EXOC2: variants seen among roughly 807,000 people sequenced by gnomAD.
EXOC2 encodes the protein exocyst complex component 2.
In EXOC2, 70 loss-of-function variants were observed where a neutral mutation model predicts 131.8. That is an observed-to-expected ratio of 0.53 (90% CI 0.44 to 0.65). The LOEUF is 0.65. Among genes scored for constraint, EXOC2 ranks in the 30% least tolerant of loss-of-function variants. The pLI is 0.00. For synonymous variants in EXOC2, 411 were observed against 398.4 expected (o/e 1.03, Z -0.38); for missense variants, 923 against 1,108.6 (o/e 0.83, Z 2.38).
At chr6:575,534 C>CCATCCTCTCCCTCGCTCCCT (rs1368080177) in intron 12 of EXOC2, among the ~76,000 whole-genome samples, 2 of 152,066 alleles carry the variant, frequency 1.3e-5, no homozygotes, top group Non-Finnish European at 1.5e-5. Flanking sequence ...CGCTCCATCT[C>CCATCCTCTCCCTCGCTCCCT]CTGCCATGCG....
At chr6:503,942 T>C (rs1454838660) in intron 23 of EXOC2, among the ~76,000 whole-genome samples, 1 of 152,182 alleles carries the variant, frequency 6.6e-6, no homozygotes, top group Non-Finnish European at 1.5e-5. Context: ...TCACTTCCAA[T>C]TGCTTGTTTT....
intron 13 of EXOC2, among the ~76,000 whole-genome samples, chr6:568,530 C>T (rs1205198470): frequency 6.6e-6 from 1 of 152,116 alleles, no homozygotes; most frequent in Non-Finnish European, 1.5e-5. Context: ...TAGATCTCTT[C>T]GTGTATGTGT....
At chr6:497,661 A>G (rs1763818979) in intron 24 of EXOC2, among the ~76,000 whole-genome samples, 172 bp from the exon 25 acceptor site, 1 of 152,256 alleles carries the variant, frequency 6.6e-6, no homozygotes, top group African/African-American at 2.4e-5. Context: ...TTTAAATTCT[A>G]TTGACTGATT....
chr6:513,686 T>C (rs1271338383), intron 23 of EXOC2, among the ~76,000 whole-genome samples: 1 of 152,084 alleles, frequency 6.6e-6, no homozygotes, highest in Non-Finnish European at 1.5e-5. Flanking sequence ...AAAAGAAAAA[T>C]GGGTTTTCAG....
chr6:674,251 C>A (rs1304738061), intron 1 of EXOC2, among the ~76,000 whole-genome samples: 1 of 152,006 alleles, frequency 6.6e-6, no homozygotes, highest in Non-Finnish European at 1.5e-5. Context: ...GTGTTGGTTC[C>A]AAATGAATGA....
chr6:561,871 C>T (rs938689643), intron 17 of EXOC2, among the ~76,000 whole-genome samples: 2 of 152,164 alleles, frequency 1.3e-5, no homozygotes, highest in South Asian at 2.1e-4. Context: ...CGTGAGCCAC[C>T]GCACCCAGCC....
chr6:526,146 C>T (rs911746071), intron 23 of EXOC2, among the ~76,000 whole-genome samples: 6 of 152,264 alleles, frequency 3.9e-5, no homozygotes, highest in East Asian at 1.9e-4. Context: ...TACACACACA[C>T]GCACACACAC....
chr6:580,039 G>GT (rs1215297669), intron 11 of EXOC2, among the ~76,000 whole-genome samples: 64 of 85,528 alleles, frequency 7.5e-4, no homozygotes, highest in Admixed American at 1.3e-3. Context: ...GCCGGGTGCA[G>GT]TTTTTTTTGT....
intron 13 of EXOC2, among the ~76,000 whole-genome samples, chr6:567,371 C>T (rs1238456281): frequency 6.6e-6 from 1 of 152,212 alleles, no homozygotes; most frequent in African/African-American, 2.4e-5. Context: ...TTCAATATCA[C>T]CTCCAGAGAG....
At chr6:577,150 G>A (rs1758630225) in intron 11 of EXOC2, among the ~76,000 whole-genome samples, 1 of 152,170 alleles carries the variant, frequency 6.6e-6, no homozygotes, top group African/African-American at 2.4e-5. Flanking sequence ...ACAACTTTTG[G>A]CACTAGGAAA....
chr6:571,725 A>G (rs545327874), intron 13 of EXOC2, among the ~76,000 whole-genome samples: 5 of 152,172 alleles, frequency 3.3e-5, no homozygotes, highest in African/African-American at 4.8e-5. Flanking sequence ...GAAGACCCCT[A>G]TCTCCCCCAG....
intron 11 of EXOC2, among the ~76,000 whole-genome samples, chr6:587,244 G>C (rs1404220514): frequency 6.8e-6 from 1 of 147,962 alleles, no homozygotes; most frequent in Non-Finnish European, 1.5e-5. Context: ...ATGTAGATAT[G>C]TGTATTTTTT....
In EXOC2 at chr6:564,939, T is replaced by A. The variant is rs765900487; in HGVS notation, c.1444-10A>T. 16 of 1,588,596 alleles carry A rather than the reference T, an allele frequency of 1.0e-5. No individual in the cohort carries two copies. The highest frequency in any genetic ancestry group is 1.4e-5 in the Non-Finnish European group (16 of 1,170,510). ...CTGACTTCTCAGCAGTCTTAAAAAT[T>A]AAAAAAACAAAATAAAACATATTAG... is the stretch of plus-strand genomic sequence containing the variant. On this transcript the variant is annotated splice_polypyrimidine_tract_variant and intron_variant, in intron 13 of 27. Transcript: ENST00000230449.
chr6:599,473 C>A (rs1561909045), intron 7 of EXOC2, among the ~76,000 whole-genome samples: 1 of 152,160 alleles, frequency 6.6e-6, no homozygotes, highest in East Asian at 1.9e-4. Context: ...CAAATAAATT[C>A]TCTAATGTGA....
At chr6:553,096 T>C (rs192657132) in intron 21 of EXOC2, among the ~76,000 whole-genome samples, 71 of 152,248 alleles carry the variant, frequency 4.7e-4, no homozygotes, top group African/African-American at 1.6e-3. Flanking sequence ...TTTTGTACTT[T>C]TGGTACAGAC....
chr6:576,032 C>T (rs2982494), intron 12 of EXOC2, among the ~76,000 whole-genome samples: 3,846 of 152,154 alleles, frequency 0.025, 115 homozygotes, highest in African/African-American at 0.071. Flanking sequence ...ATAAAACCTT[C>T]GAAAAATTCC....
At chr6:665,005 G>A (rs1429245616) in intron 1 of EXOC2, among the ~76,000 whole-genome samples, 1 of 152,214 alleles carries the variant, frequency 6.6e-6, no homozygotes, top group East Asian at 1.9e-4. Context: ...ACAACACACA[G>A]AGGGGGAGAA....
chr6:633,089 G>A lies in EXOC2; in HGVS notation c.147C>T (p.Leu49=), dbSNP rs1384046491. The A allele has an allele frequency of 6.2e-7, 1 of 1,613,606 alleles. No homozygotes were observed. Among genetic ancestry groups the A allele is most frequent in the Non-Finnish European group, 8.5e-7 (1 of 1,179,992 alleles). The change falls in exon 3 of 28, where the codon CTC becomes CTT. Residue 49 remains leucine, a synonymous_variant. Coordinates refer to ENST00000230449, the MANE Select transcript of EXOC2 (RefSeq NM_018303.6). ...TTGCAGACATCCATTCTGCCGTCAG[G>A]AGGCAATTATGTCCACAAATGGTCA... ...IGLTICGHNC[L]LTAEWMSASK... is the part of the protein sequence containing the mutation.
intron 11 of EXOC2, among the ~76,000 whole-genome samples, chr6:579,475 C>A (rs942873995): frequency 2.0e-5 from 3 of 152,148 alleles, no homozygotes; most frequent in Non-Finnish European, 4.4e-5. Context: ...AGCACATGCC[C>A]CTCCGGACTA....
Sources: allele counts gnomAD v4.1 joint callset (sites outside exome capture counted in the v4.1 genomes callset), GRCh38; gene constraint gnomAD v4.1.1; transcripts MANE v1.5; gene names NCBI Gene and HGNC (gene_info 2026-07-23, HGNC 2026-07-21).